The following CNTN5 variants were observed in gnomAD, a reference collection of about 807,000 sequenced individuals.
CNTN5 encodes contactin-5.
CNTN5 carries 77 observed loss-of-function variants against 129.1 expected under a neutral mutation model. That is an observed-to-expected ratio of 0.60 (90% CI 0.50 to 0.72). The LOEUF is 0.72. Among genes scored for constraint, CNTN5 ranks in the 30% least tolerant of loss-of-function variants. CNTN5 has a pLI of 0.00. For missense variants in CNTN5, 1,478 were observed against 1,328.8 expected (o/e 1.11, Z -1.75); for synonymous variants, 509 against 465.6 (o/e 1.09, Z -1.20).
At chr11:99,133,207 A>G (rs1419201062) in intron 1 of CNTN5, among the ~76,000 whole-genome samples, 3 of 152,216 alleles carry the variant, frequency 2.0e-5, no homozygotes, top group Non-Finnish European at 4.4e-5. Context: ...AGCCACATGC[A>G]GAAAATTGAA....
At chr11:100,327,643 G>C (rs998287924) in intron 21 of CNTN5, among the ~76,000 whole-genome samples, 5 of 152,254 alleles carry the variant, frequency 3.3e-5, no homozygotes, top group Non-Finnish European at 7.3e-5. Context: ...AACTCCAAGA[G>C]GGCAGGGACT....
chr11:99,063,650 CA>C (rs1864980577), intron 1 of CNTN5, among the ~76,000 whole-genome samples: 1 of 152,034 alleles, frequency 6.6e-6, no homozygotes, highest in African/African-American at 2.4e-5. Context: ...ACTACAAAAG[CA>C]AACATGTCTC....
chr11:99,599,336 G>T (rs1950242513), intron 3 of CNTN5, among the ~76,000 whole-genome samples: 1 of 151,976 alleles, frequency 6.6e-6, no homozygotes, highest in South Asian at 2.1e-4. Context: ...AGAAGAGAAC[G>T]ATTTTCTGAG....
intron 2 of CNTN5, among the ~76,000 whole-genome samples, chr11:99,511,706 G>T (rs1029338536): frequency 3.9e-5 from 6 of 151,932 alleles, no homozygotes; most frequent in Non-Finnish European, 7.4e-5. Context: ...CTCAGGACTT[G>T]CTTTATGAAT....
intron 9 of CNTN5, among the ~76,000 whole-genome samples, chr11:100,042,873 A>C (rs1942458646): frequency 7.2e-5 from 11 of 152,188 alleles, no homozygotes. Context: ...TATATCTTCA[A>C]GTTGCATTGC....
At chr11:100,199,030 T>C (rs556550674) in intron 15 of CNTN5, among the ~76,000 whole-genome samples, 2 of 152,114 alleles carry the variant, frequency 1.3e-5, no homozygotes, top group Middle Eastern at 3.4e-3. Context: ...ACATTCTGTT[T>C]CCTGATTGAT....
At chr11:99,181,225 C>T (rs569866371) in intron 1 of CNTN5, among the ~76,000 whole-genome samples, 50 of 152,232 alleles carry the variant, frequency 3.3e-4, no homozygotes, top group African/African-American at 1.1e-3. Flanking sequence ...TGCATCTCCC[C>T]GTCCAAGTGG....
intron 9 of CNTN5, among the ~76,000 whole-genome samples, chr11:100,036,848 T>A (rs943580890): frequency 5.4e-5 from 8 of 147,632 alleles, no homozygotes; most frequent in African/African-American, 2.0e-4. Flanking sequence ...AAGTTGCTTA[T>A]CAGCTTGAGG....
intron 4 of CNTN5, among the ~76,000 whole-genome samples, chr11:99,838,480 T>A (rs1772017273): frequency 6.6e-6 from 1 of 152,208 alleles, no homozygotes; most frequent in African/African-American, 2.4e-5. Context: ...ATTCCTATAT[T>A]TAAAAAATCC....
At chr11:99,459,614 A>T (rs1380073625) in intron 2 of CNTN5, among the ~76,000 whole-genome samples, 2 of 152,134 alleles carry the variant, frequency 1.3e-5, no homozygotes, top group Admixed American at 1.3e-4. Context: ...AATGATATGA[A>T]CTCAAGACTT....
intron 2 of CNTN5, among the ~76,000 whole-genome samples, chr11:99,396,361 T>A (rs1201923301): frequency 6.6e-6 from 1 of 151,626 alleles, no homozygotes; most frequent in Non-Finnish European, 1.5e-5. Context: ...CTAAATAAAA[T>A]ATAGAGAAAC....
intron 6 of CNTN5, among the ~76,000 whole-genome samples, chr11:99,901,607 C>T (rs1192502668): frequency 6.6e-6 from 1 of 152,126 alleles, no homozygotes; most frequent in Non-Finnish European, 1.5e-5. Context: ...CATACATTTT[C>T]TATTCATGAG....
chr11:99,794,768 G>T (rs1945873613), intron 3 of CNTN5, among the ~76,000 whole-genome samples: 1 of 152,152 alleles, frequency 6.6e-6, no homozygotes, highest in Admixed American at 6.5e-5. Context: ...TTTCTGGCTT[G>T]TATGGTTTCT....
At chr11:99,774,665 C>T (rs902690836) in intron 3 of CNTN5, among the ~76,000 whole-genome samples, 1 of 151,882 alleles carries the variant, frequency 6.6e-6, no homozygotes, top group African/African-American at 2.4e-5. Flanking sequence ...GTTTTTATCC[C>T]GTTGTTGCCT....
intron 9 of CNTN5, among the ~76,000 whole-genome samples, chr11:100,028,966 T>G (rs567476827): frequency 6.6e-6 from 1 of 152,308 alleles, no homozygotes; most frequent in African/African-American, 2.4e-5. Flanking sequence ...TTTTGTACTA[T>G]TTCTTTAGCA....
intron 9 of CNTN5, among the ~76,000 whole-genome samples, chr11:100,047,408 C>A (rs1942738488): frequency 6.6e-6 from 1 of 152,068 alleles, no homozygotes; most frequent in South Asian, 2.1e-4. Flanking sequence ...AATAAATTAG[C>A]TGCATGCCAG....
chr11:99,221,930 C>A (rs1860416266), intron 1 of CNTN5, among the ~76,000 whole-genome samples: 1 of 151,730 alleles, frequency 6.6e-6, no homozygotes, highest in Non-Finnish European at 1.5e-5. Flanking sequence ...AATATATGAC[C>A]AGGAAACAAT....
chr11:99,677,487 A>T (rs963297180), intron 3 of CNTN5, among the ~76,000 whole-genome samples: 8 of 152,130 alleles, frequency 5.3e-5, no homozygotes, highest in African/African-American at 1.9e-4. Flanking sequence ...CTCTTAGTTA[A>T]TACATGACCT....
intron 7 of CNTN5, among the ~76,000 whole-genome samples, chr11:99,944,941 G>A (rs1950522133): frequency 6.6e-6 from 1 of 152,104 alleles, no homozygotes; most frequent in African/African-American, 2.4e-5. Context: ...GTGTCCAAGT[G>A]TGCAACTGGG....
Sources: allele counts gnomAD v4.1 joint callset (sites outside exome capture counted in the v4.1 genomes callset), GRCh38; gene constraint gnomAD v4.1.1; transcripts MANE v1.5; gene names NCBI Gene and HGNC (gene_info 2026-07-23, HGNC 2026-07-21).